Variants in PNPLA1 observed in about 807,000 individuals in gnomAD.
PNPLA1 encodes omega-hydroxyceramide transacylase.
PNPLA1 carries 36 observed loss-of-function variants against 51.7 expected under a neutral mutation model. The ratio of observed to expected loss-of-function variants is 0.70; its 90% confidence interval spans 0.53 to 0.92. PNPLA1 has a LOEUF of 0.92. Ranked by LOEUF, PNPLA1 falls within the 40% of genes least tolerant of loss-of-function variation. The pLI is 0.00. For synonymous variants in PNPLA1, 293 were observed against 280.1 expected (o/e 1.05, Z -0.46); for missense variants, 658 against 682.5 (o/e 0.96, Z 0.40).
chr6:36,282,431 T>C (rs1007937314), intron 1 of PNPLA1, among the ~76,000 whole-genome samples: 5 of 152,204 alleles, frequency 3.3e-5, no homozygotes, highest in African/African-American at 1.2e-4. Flanking sequence ...AACGTCTCTA[T>C]CCAAATGGAT....
At chr6:36,274,899 T>A (rs1330022458) in intron 1 of PNPLA1, among the ~76,000 whole-genome samples, 1 of 152,230 alleles carries the variant, frequency 6.6e-6, no homozygotes, top group African/African-American at 2.4e-5. Context: ...TCTTTTTCCT[T>A]TAATGTGTAG....
At chr6:36,286,204 A>T (rs1384910853) in intron 1 of PNPLA1, among the ~76,000 whole-genome samples, 2 of 152,228 alleles carry the variant, frequency 1.3e-5, no homozygotes, top group Non-Finnish European at 2.9e-5. Flanking sequence ...TGAGGATGAA[A>T]GGTGTTATTT....
chr6:36,285,858 G>A (rs1281154749), intron 1 of PNPLA1, among the ~76,000 whole-genome samples: 1 of 151,944 alleles, frequency 6.6e-6, no homozygotes, highest in Non-Finnish European at 1.5e-5. Flanking sequence ...TATCTGTAGG[G>A]TCCCCCAACT....
intron 5 of PNPLA1, among the ~76,000 whole-genome samples, chr6:36,299,988 A>G (rs1247072616): frequency 1.3e-5 from 2 of 152,172 alleles, no homozygotes; most frequent in Non-Finnish European, 2.9e-5. Flanking sequence ...CAACTCATGA[A>G]CCAATCTTGA....
chr6:36,293,842 G>A (rs977426195), intron 3 of PNPLA1, among the ~76,000 whole-genome samples: 1 of 152,172 alleles, frequency 6.6e-6, no homozygotes, highest in African/African-American at 2.4e-5. Flanking sequence ...ACAGGTGGTG[G>A]GGCTGTAGCA....
rs2127358855 is a variant in PNPLA1 at position 36,312,919 on chromosome 6, T to C, written c.*1033T>C. ...AGGATCCTGTCCAAGGGCAAAACTC[T>C]TGGGGGCCCAGCAGGACTGAGCCAA... is the stretch of plus-strand genomic sequence containing the variant. On this transcript the variant is annotated 3_prime_UTR_variant, in exon 9 of 9. Transcript: ENST00000636260. Among the ~76,000 whole-genome samples the C allele has an allele frequency of 6.6e-6, 1 of 152,290 alleles. No homozygotes were observed. The highest frequency in any genetic ancestry group is 2.4e-5 in the African/African-American group (1 of 41,562).
chr6:36,304,564 T>C (rs533027410), intron 6 of PNPLA1, among the ~76,000 whole-genome samples: 4 of 148,534 alleles, frequency 2.7e-5, no homozygotes, highest in African/African-American at 1.0e-4. Context: ...GAGGCGGAGG[T>C]TGCAGTGAGT....
chr6:36,260,671 A>T (rs1030802406), intron 1 of PNPLA1, among the ~76,000 whole-genome samples: 6 of 152,176 alleles, frequency 3.9e-5, no homozygotes. Flanking sequence ...TTTTTACACA[A>T]ATGGTAGCAT....
At position 36,301,755 on chromosome 6, in the gene PNPLA1, T is replaced by A. The variant is rs967576908; in HGVS notation, c.776-106T>A. 172 of 1,410,832 alleles carry A rather than the reference T, an allele frequency of 1.2e-4. No individual in the cohort carries two copies. In the Middle Eastern group the frequency reaches 1.8e-3, roughly 15 times the overall value. The allele number at this position is 1,410,832 out of a possible 1,614,324, so 87.4% of individuals were successfully genotyped here. ...AATTCAAGTAAGTACAGAAAGACCTTTGAAAAGCACTGTTCCTGTTTAGGA... is the reference window on the plus strand; with the variant it reads ...AATTCAAGTAAGTACAGAAAGACCTATGAAAAGCACTGTTCCTGTTTAGGA... On this transcript the variant is annotated intron_variant, in intron 5 of 8. Coordinates refer to ENST00000636260, the MANE Select transcript of PNPLA1 (RefSeq NM_001374623.1).
intron 1 of PNPLA1, among the ~76,000 whole-genome samples, chr6:36,275,008 G>A (rs1245932335): frequency 5.9e-5 from 9 of 152,114 alleles, no homozygotes; most frequent in African/African-American, 1.9e-4. Context: ...TTGCTTCGAT[G>A]TCTTTTGTTA....
At chr6:36,248,686 T>C (rs1211017125) in intron 1 of PNPLA1, among the ~76,000 whole-genome samples, 1 of 152,158 alleles carries the variant, frequency 6.6e-6, no homozygotes. Context: ...GCCCAGCTAA[T>C]TTTTGTACTT....
intron 1 of PNPLA1, among the ~76,000 whole-genome samples, chr6:36,289,073 C>T (rs1770594443): frequency 6.6e-6 from 1 of 152,192 alleles, no homozygotes; most frequent in Non-Finnish European, 1.5e-5. Flanking sequence ...CTTAAGAAGA[C>T]AGACCAAATG....
At chr6:36,265,371 G>T (rs1769739571), upstream of PNPLA1, among the ~76,000 whole-genome samples, 1 of 152,020 alleles carries the variant, frequency 6.6e-6, no homozygotes, top group Non-Finnish European at 1.5e-5. Flanking sequence ...GACCCCCACT[G>T]TATTTTTCAG....
At chr6:36,255,214 T>A (rs78749644) in intron 1 of PNPLA1, among the ~76,000 whole-genome samples, 1 of 146,392 alleles carries the variant, frequency 6.8e-6, no homozygotes, top group Non-Finnish European at 1.5e-5. Context: ...TAAAAAAAAA[T>A]ACAAAATTGG....
rs60779886 is a variant in PNPLA1, at chr6:36,270,874, G to A, written c.205+210G>A. Among the ~76,000 whole-genome samples the A allele has an allele frequency of 0.042, 6,427 of 152,258 alleles. 378 individuals are homozygous for A. Among genetic ancestry groups the A allele is most frequent in the African/African-American group, 0.13 (5,377 of 41,520 alleles). On this transcript the variant is annotated intron_variant, in intron 1 of 8. Coordinates refer to ENST00000636260, the MANE Select transcript of PNPLA1 (RefSeq NM_001374623.1). ...GGCCCCAGACTCTAACATGCAGGGT[G>A]AGCCTGGACCCCTGTCCCTCTCCCT...
intron 1 of PNPLA1, among the ~76,000 whole-genome samples, chr6:36,284,099 TC>T: frequency 6.6e-6 from 1 of 152,294 alleles, no homozygotes; most frequent in African/African-American, 2.4e-5. Context: ...GTGCCTGGAT[TC>T]TGGGGGGAAA....
rs1351808667 is a variant in PNPLA1, at chr6:36,302,176, T to C, written c.1091T>C (p.Leu364Pro). ...CAGCCACTGGCCTCTTCAACTCCAC[T>C]TTCTCTAAGTGGCATGCCACCTGTA... is the stretch of plus-strand genomic sequence containing the variant. ...PAQPLASSTP[L>P]SLSGMPPVSF... Residue 364 changes from leucine to proline, a missense_variant, in exon 6 of 9, where the codon CTT becomes CCT. Physicochemically the swap from Leu to Pro is moderately conservative, Grantham distance 98. Coordinates refer to ENST00000636260, the MANE Select transcript of PNPLA1 (RefSeq NM_001374623.1). The C allele has an allele frequency of 1.2e-6, 2 of 1,614,150 alleles. No individual in the cohort carries two copies. Among genetic ancestry groups the C allele is most frequent in the East Asian group, 2.2e-5 (1 of 44,882 alleles).
chr6:36,282,089 G>GA (rs59827619), intron 1 of PNPLA1, among the ~76,000 whole-genome samples: 16,659 of 62,424 alleles, frequency 0.27, 2,592 homozygotes, highest in Non-Finnish European at 0.33. Flanking sequence ...AAGAAAGAAA[G>GA]AAGGAAGGAA....
At position 36,293,093 on chromosome 6, in the gene PNPLA1, C is replaced by CTG. The variant is rs1770739775; in HGVS notation, c.474_475dup (p.Gly159ValfsTer11). On this transcript the variant is annotated frameshift_variant, in exon 3 of 9. Coordinates refer to ENST00000636260, the MANE Select transcript of PNPLA1 (RefSeq NM_001374623.1). LOFTEE classifies it high-confidence loss of function. ...ACTGCAGCTGCTTCGTCCCGGTGTA[C>CTG]TGTGGCCTCATCCCCCCGACTTACC... is the stretch of plus-strand genomic sequence containing the variant. The CTG allele has an allele frequency of 6.2e-7, 1 of 1,614,128 alleles. No homozygotes were observed. The highest frequency in any genetic ancestry group is 8.5e-7 in the Non-Finnish European group (1 of 1,179,998).
Sources: gnomAD v4.1 joint callset for allele counts (sites outside exome capture counted in the v4.1 genomes callset) on GRCh38, gnomAD v4.1.1 for gene constraint, MANE v1.5 for transcripts, NCBI Gene and HGNC (gene_info 2026-07-23, HGNC 2026-07-21) for gene names.